The following KLRD1 variants were observed in gnomAD, a reference collection of about 807,000 sequenced individuals.
KLRD1 encodes natural killer cells antigen CD94.
A neutral mutation model predicts 22.6 loss-of-function variants in KLRD1; 21 were observed. The observed-to-expected ratio is 0.93, with a 90% CI of 0.66 to 1.34. The LOEUF (loss-of-function observed/expected upper bound fraction) is 1.34. Ranked by LOEUF, KLRD1 falls within the 40% of genes most tolerant of loss-of-function variation. The probability of loss-of-function intolerance (pLI) is 0.00; values close to 1 mark genes in which losing one functional copy is unlikely to be tolerated. For synonymous variants in KLRD1, 59 were observed against 71.1 expected (o/e 0.83, Z 0.85); for missense variants, 183 against 208.6 (o/e 0.88, Z 0.76).
intron 1 of KLRD1, among the ~76,000 whole-genome samples, chr12:10,239,885 G>T (rs12303774): frequency 0.27 from 40,261 of 151,424 alleles, 5,487 homozygotes; most frequent in Non-Finnish European, 0.3. Flanking sequence ...GAAGTGATCC[G>T]CCCGCCTCAG....
intron 1 of KLRD1, among the ~76,000 whole-genome samples, chr12:10,241,846 G>C (rs1949244184): frequency 6.6e-6 from 1 of 152,056 alleles, no homozygotes; most frequent in Non-Finnish European, 1.5e-5. Flanking sequence ...GTTTACTAAA[G>C]TACTTTGCAA....
chr12:10,301,992 A>G (rs1390394792), upstream of KLRD1, among the ~76,000 whole-genome samples: 2 of 152,168 alleles, frequency 1.3e-5, no homozygotes, highest in African/African-American at 4.8e-5. Context: ...CACACACGAC[A>G]TTTACTAATC....
chr12:10,288,158 G>T (rs547109464), intron 1 of KLRD1, among the ~76,000 whole-genome samples: 2 of 150,396 alleles, frequency 1.3e-5, no homozygotes, highest in Non-Finnish European at 3.0e-5. Context: ...GAGGAGAATC[G>T]CTGGAACCCA....
At chr12:10,307,061 T>C (rs966691014), upstream of KLRD1, among the ~76,000 whole-genome samples, 5 of 152,198 alleles carry the variant, frequency 3.3e-5, no homozygotes, top group South Asian at 6.2e-4. Flanking sequence ...CTTTCAAGAT[T>C]CTTATTATAG....
chr12:10,285,613 T>C (rs774364131), intron 1 of KLRD1, among the ~76,000 whole-genome samples: 28 of 152,224 alleles, frequency 1.8e-4, no homozygotes, highest in Admixed American at 5.9e-4. Flanking sequence ...TTTTTTTGTG[T>C]GTCTTTACCT....
chr12:10,254,698 G>C (rs1949377995), intron 1 of KLRD1, among the ~76,000 whole-genome samples: 1 of 151,978 alleles, frequency 6.6e-6, no homozygotes. Context: ...AGACCAGCCT[G>C]GTCAACATGG....
At chr12:10,300,625 G>A (rs1949858732), upstream of KLRD1, among the ~76,000 whole-genome samples, 2 of 152,152 alleles carry the variant, frequency 1.3e-5, no homozygotes, top group African/African-American at 4.8e-5. Flanking sequence ...TCAACTTAAA[G>A]TTACCAACTG....
intron 1 of KLRD1, among the ~76,000 whole-genome samples, chr12:10,244,370 T>G (rs1469823469): frequency 6.6e-6 from 1 of 152,160 alleles, no homozygotes; most frequent in African/African-American, 2.4e-5. Context: ...CTACCATTTG[T>G]GACCAATATA....
intron 1 of KLRD1, among the ~76,000 whole-genome samples, chr12:10,262,500 T>G (rs1476381221): frequency 1.3e-5 from 2 of 152,134 alleles, no homozygotes; most frequent in Non-Finnish European, 2.9e-5. Context: ...TTAACTAACT[T>G]TGGTCTTATA....
intron 1 of KLRD1, among the ~76,000 whole-genome samples, chr12:10,257,129 C>T (rs1453532449): frequency 6.6e-3 from 229 of 34,666 alleles, no homozygotes; most frequent in African/African-American, 9.5e-3. Context: ...TTTGTTTTTT[C>T]TTTTCTTTTC....
intron 1 of KLRD1, among the ~76,000 whole-genome samples, chr12:10,288,315 A>T (rs1475619579): frequency 1.3e-5 from 2 of 152,114 alleles, no homozygotes; most frequent in Non-Finnish European, 2.9e-5. Flanking sequence ...GCATATGTAT[A>T]CATTATGTAA....
intron 1 of KLRD1, among the ~76,000 whole-genome samples, chr12:10,247,413 A>G (rs996757573): frequency 2.0e-5 from 3 of 152,164 alleles, no homozygotes; most frequent in African/African-American, 7.2e-5. Flanking sequence ...TAAATTTTAT[A>G]TGCTTACACT....
At position 10,317,062 on chromosome 12, in the gene KLRD1, C is replaced by G. The variant is rs377582345; in HGVS notation, c.*2269C>G. 7.2e-5 allele frequency: 11 copies of G among 151,904 alleles called. No individual in the cohort carries two copies. Among genetic ancestry groups the G allele is most frequent in the African/African-American group, 2.4e-4 (10 of 41,324 alleles). The allele number at this position is 151,904 out of a possible 1,614,324, so 9.4% of individuals were successfully genotyped here. On this transcript the variant is annotated 3_prime_UTR_variant, in exon 6 of 6. Coordinates refer to ENST00000336164, the MANE Select transcript of KLRD1 (RefSeq NM_002262.5). ...GGTTTTCTGTTCCTGTGTTAGTTTG[C>G]TGAGAATGATGGTTTCCAGCTTCAT...
rs1950224794 is a variant in KLRD1 at position 10,316,212 on chromosome 12, C to T, written c.*1419C>T. 2 of 151,482 alleles carry T rather than the reference C, an allele frequency of 1.3e-5. No individual in the cohort carries two copies. The highest frequency in any genetic ancestry group is 4.2e-4 in the South Asian group (2 of 4,780). 9.4% of individuals were successfully genotyped at this position (151,482 alleles called of 1,614,324 possible). On this transcript the variant is annotated 3_prime_UTR_variant, in exon 6 of 6. Transcript: ENST00000336164. ...TTTGTTATTTAGTGTACTCCAACCA[C>T]GGAGTAACATCCCATCATAATCCCA... is the stretch of plus-strand genomic sequence containing the variant.
chr12:10,272,233 T>C (rs1453299283), intron 1 of KLRD1, among the ~76,000 whole-genome samples: 1 of 152,184 alleles, frequency 6.6e-6, no homozygotes, highest in Non-Finnish European at 1.5e-5. Context: ...ACATATTGCA[T>C]GTATTCCTTC....
chr12:10,242,675 C>T (rs143284456), intron 1 of KLRD1, among the ~76,000 whole-genome samples: 7 of 152,258 alleles, frequency 4.6e-5, no homozygotes, highest in African/African-American at 1.7e-4. Context: ...GTAAAGTGTT[C>T]CCTTTTCTCC....
Sources: gnomAD v4.1 joint callset for allele counts (sites outside exome capture counted in the v4.1 genomes callset) on GRCh38, gnomAD v4.1.1 for gene constraint, MANE v1.5 for transcripts, NCBI Gene and HGNC (gene_info 2026-07-23, HGNC 2026-07-21) for gene names.